The following RSF1 variants were observed in gnomAD, a reference collection of about 807,000 sequenced individuals.
RSF1 encodes the protein HBV pX-associated protein 8.
Under a neutral mutation model 145.2 loss-of-function variants are expected in RSF1, and 13 were observed. The ratio of observed to expected loss-of-function variants is 0.09; its 90% CI spans 0.06 to 0.14. The LOEUF is 0.14. Among genes scored for constraint, RSF1 ranks in the 10% least tolerant of loss-of-function variants. RSF1 has a pLI of 1.00. For missense variants in RSF1, 1,517 were observed against 1,718.2 expected (o/e 0.88, Z 2.07); for synonymous variants, 577 against 592.6 (o/e 0.97, Z 0.38).
At chr11:77,678,193 C>CTTTTTTTTTTTTTTTTATTT (rs1959762461) in intron 11 of RSF1, 40 bp from the exon 12 acceptor site, 1 of 585,398 alleles carries the variant, frequency 1.7e-6, no homozygotes, top group Non-Finnish European at 2.5e-6. Context: ...CCTGTCCTGG[C>CTTTTTTTTTTTTTTTTATTT]TTTTTTTTTT....
intron 14 of RSF1, among the ~76,000 whole-genome samples, chr11:77,674,465 T>C (rs1297556895): frequency 6.6e-6 from 1 of 152,242 alleles, no homozygotes; most frequent in Non-Finnish European, 1.5e-5. Context: ...CAGCTGGGCA[T>C]CTGAGGGAAA....
At chr11:77,805,072 G>A (rs1036897233) in intron 1 of RSF1, among the ~76,000 whole-genome samples, 1 of 152,086 alleles carries the variant, frequency 6.6e-6, no homozygotes, top group African/African-American at 2.4e-5. Flanking sequence ...TTTCTTTGTG[G>A]GGAGAAAGGA....
chr11:77,797,303 C>T (rs140516076), intron 1 of RSF1, among the ~76,000 whole-genome samples: 1 of 152,184 alleles, frequency 6.6e-6, no homozygotes, highest in East Asian at 1.9e-4. Context: ...GGTACTGGTA[C>T]CAAAACAGAT....
rs541771759 is a variant in RSF1 at position 77,664,395 on chromosome 11, C to T, written c.*2522G>A. On this transcript the variant is annotated 3_prime_UTR_variant, in exon 16 of 16. Coordinates refer to ENST00000308488, the MANE Select transcript of RSF1 (RefSeq NM_016578.4). Reference sequence around the variant, plus strand: ...TATCAGGCAGCACAGCACAAGTGGTCTCCAAACCTAAATGGAATACTCAGT... The same window carrying T: ...TATCAGGCAGCACAGCACAAGTGGTTTCCAAACCTAAATGGAATACTCAGT... The T allele has an allele frequency of 4.5e-4, 68 of 152,276 alleles. No individual in the cohort carries two copies. The highest frequency in any genetic ancestry group is 1.5e-3 in the African/African-American group (62 of 41,568). The allele number at this position is 152,276 out of a possible 1,614,324, so 9.4% of individuals were successfully genotyped here. A position where few individuals can be genotyped will look rare whatever the true frequency, so the allele number is the denominator to read the frequency against.
At chr11:77,695,602 C>A (rs1960260795) in intron 7 of RSF1, among the ~76,000 whole-genome samples, 1 of 151,664 alleles carries the variant, frequency 6.6e-6, no homozygotes, top group Non-Finnish European at 1.5e-5. Flanking sequence ...TAAGTACTTC[C>A]TTACTTTCTG....
intron 4 of RSF1, among the ~76,000 whole-genome samples, chr11:77,729,967 C>T (rs971104297): frequency 7.6e-6 from 1 of 131,228 alleles, no homozygotes; most frequent in African/African-American, 2.8e-5. Context: ...TTAGTAATAT[C>T]AATAGCAGTA....
Position 77,725,552 on chromosome 11 carries a change from A to T in RSF1, c.726T>A (p.Pro242=). The part of the protein sequence containing the change: ...DEETKKEEET[P]KQEEQKESEK... ...AAACACACAAAAAAAAACCTTGTTT[A>T]GGTGTTTCTTCCTCTTTTTTAGTCT... The change falls in exon 5 of 16, where the codon CCT becomes CCA. Residue 242 remains proline (P), a synonymous_variant. Coordinates refer to ENST00000308488, the MANE Select transcript of RSF1 (RefSeq NM_016578.4). 6.4e-7 allele frequency: 1 copy of T among 1,555,122 alleles called. No individual in the cohort carries two copies. Among genetic ancestry groups the T allele is most frequent in the Non-Finnish European group, 8.7e-7 (1 of 1,151,064 alleles).
At chr11:77,858,163 T>C in the RSF1 span, among the ~76,000 whole-genome samples, 1 of 150,498 alleles carries the variant, frequency 6.6e-6, no homozygotes, top group South Asian at 2.1e-4. Context: ...AGACTACAGT[T>C]GTGTGCCACC....
intron 1 of RSF1, among the ~76,000 whole-genome samples, chr11:77,767,092 C>A (rs1186662141): frequency 6.6e-6 from 1 of 152,168 alleles, no homozygotes; most frequent in Non-Finnish European, 1.5e-5. Context: ...GTCCTTTAAA[C>A]AATGAAGCTC....
chr11:77,756,918 T>C (rs530125685), intron 2 of RSF1, among the ~76,000 whole-genome samples: 43 of 152,232 alleles, frequency 2.8e-4, no homozygotes, highest in Non-Finnish European at 5.0e-4. Flanking sequence ...GAGACAATCG[T>C]AAACAAATAA....
chr11:77,867,108 T>C, the RSF1 span, among the ~76,000 whole-genome samples: 128 of 152,362 alleles, frequency 8.4e-4, no homozygotes, highest in African/African-American at 3.1e-3. Flanking sequence ...CCCAAAGTGC[T>C]GGGATTACAG....
the RSF1 span, among the ~76,000 whole-genome samples, chr11:77,863,023 GT>G: frequency 2.6e-5 from 4 of 152,080 alleles, no homozygotes; most frequent in Admixed American, 2.6e-4. Context: ...TCCTAATGTG[GT>G]GGTGGGCCGC....
the RSF1 span, among the ~76,000 whole-genome samples, chr11:77,851,891 T>C: frequency 1.3e-5 from 2 of 152,196 alleles, no homozygotes; most frequent in East Asian, 3.9e-4. Flanking sequence ...AAGGCCTCTG[T>C]TGAACTTCTT....
At chr11:77,806,758 T>TA (rs200571217) in intron 1 of RSF1, among the ~76,000 whole-genome samples, 36 of 150,092 alleles carry the variant, frequency 2.4e-4, no homozygotes, top group African/African-American at 6.4e-4. Flanking sequence ...CCTGAGTCAT[T>TA]AAAAAAACAA....
At chr11:77,741,552 A>AT (rs112909497) in intron 3 of RSF1, among the ~76,000 whole-genome samples, 70 of 149,762 alleles carry the variant, frequency 4.7e-4, no homozygotes, top group Middle Eastern at 3.4e-3. Context: ...AAAATGTTTC[A>AT]TTTTTTTTTT....
At chr11:77,807,495 A>G (rs939501465) in intron 1 of RSF1, among the ~76,000 whole-genome samples, 2 of 152,240 alleles carry the variant, frequency 1.3e-5, no homozygotes, top group African/African-American at 4.8e-5. Flanking sequence ...TCAAAGACAC[A>G]AGGAGGTTAA....
At chr11:77,785,577 C>T (rs1393764381) in intron 1 of RSF1, among the ~76,000 whole-genome samples, 3 of 148,352 alleles carry the variant, frequency 2.0e-5, no homozygotes, top group African/African-American at 5.0e-5. Context: ...GCAACAAGAG[C>T]GAAACTCCAT....
chr11:77,737,829 G>C (rs1230365492), intron 4 of RSF1, among the ~76,000 whole-genome samples: 1 of 151,974 alleles, frequency 6.6e-6, no homozygotes, highest in Non-Finnish European at 1.5e-5. Context: ...TAGAAAGGTT[G>C]TAAGAAAAGC....
intron 15 of RSF1, among the ~76,000 whole-genome samples, chr11:77,668,535 C>A (rs1174261444): frequency 6.6e-6 from 1 of 152,132 alleles, no homozygotes; most frequent in Non-Finnish European, 1.5e-5. Flanking sequence ...TCTTCTTTGT[C>A]TATATAGTTG....
Sources: gnomAD v4.1 joint callset for allele counts (sites outside exome capture counted in the v4.1 genomes callset) on GRCh38, gnomAD v4.1.1 for gene constraint, MANE v1.5 for transcripts, NCBI Gene and HGNC (gene_info 2026-07-23, HGNC 2026-07-21) for gene names.